DRC8: variants seen among roughly 807,000 people sequenced by gnomAD.
The protein encoded by DRC8 is dynein regulatory complex protein 8.
the DRC8 span, among the ~76,000 whole-genome samples, chr1:245,103,099 T>A: frequency 7.2e-6 from 1 of 139,328 alleles, no homozygotes; most frequent in Non-Finnish European, 1.5e-5. Flanking sequence ...TCCTCTATGG[T>A]CAGGAGGGAG....
chr1:245,029,256 A>G, the DRC8 span, among the ~76,000 whole-genome samples: 2 of 152,206 alleles, frequency 1.3e-5, 1 homozygote, highest in Non-Finnish European at 2.9e-5. Flanking sequence ...CCATTTCTGT[A>G]TCTTTGGAGG....
At chr1:245,004,115 G>C in the DRC8 span, among the ~76,000 whole-genome samples, 1 of 152,014 alleles carries the variant, frequency 6.6e-6, no homozygotes, top group African/African-American at 2.4e-5. Context: ...GGGTCTTACT[G>C]TGTGGCCCTG....
chr1:245,072,830 C>G, the DRC8 span, among the ~76,000 whole-genome samples: 1 of 152,082 alleles, frequency 6.6e-6, no homozygotes, highest in Non-Finnish European at 1.5e-5. Context: ...TCATTTAAAA[C>G]TGCGTGGCTC....
At chr1:245,116,961 T>C in the DRC8 span, among the ~76,000 whole-genome samples, 1 of 152,244 alleles carries the variant, frequency 6.6e-6, no homozygotes, top group Non-Finnish European at 1.5e-5. Flanking sequence ...CAAAGAAAAT[T>C]GTTTTTCTTC....
At chr1:245,102,632 C>G in the DRC8 span, among the ~76,000 whole-genome samples, 2 of 151,868 alleles carry the variant, frequency 1.3e-5, no homozygotes, top group South Asian at 2.1e-4. Flanking sequence ...TTACAGGCGT[C>G]AGCCACTGCA....
chr1:244,973,536 A>G, the DRC8 span, among the ~76,000 whole-genome samples: 144 of 152,328 alleles, frequency 9.5e-4, no homozygotes, highest in South Asian at 0.012. Context: ...AACTTATTCT[A>G]TACCTAAAAG....
the DRC8 span, among the ~76,000 whole-genome samples, chr1:245,045,923 C>A: frequency 6.6e-6 from 1 of 152,128 alleles, no homozygotes; most frequent in Non-Finnish European, 1.5e-5. Context: ...AAGGGAGTAG[C>A]CTCTGGTCCT....
chr1:245,053,211 GA>G, the DRC8 span, among the ~76,000 whole-genome samples: 99 of 150,892 alleles, frequency 6.6e-4, no homozygotes, highest in African/African-American at 1.8e-3. Flanking sequence ...AAGTTGATGA[GA>G]AAAAAAAATG....
chr1:245,098,873 G>A, the DRC8 span, among the ~76,000 whole-genome samples: 186 of 152,346 alleles, frequency 1.2e-3, 1 homozygote, highest in African/African-American at 4.1e-3. Flanking sequence ...AGCCCGTGTG[G>A]CGGCTGTCGA....
the DRC8 span, among the ~76,000 whole-genome samples, chr1:244,985,163 A>G: frequency 1.3e-5 from 2 of 148,862 alleles, no homozygotes; most frequent in African/African-American, 5.0e-5. Context: ...CATCATAGAG[A>G]GCAATTTCTT....
chr1:245,028,430 C>T, the DRC8 span, among the ~76,000 whole-genome samples: 6 of 152,228 alleles, frequency 3.9e-5, no homozygotes, highest in African/African-American at 1.4e-4. Flanking sequence ...TCCTGCACTG[C>T]CAAAAAATAA....
the DRC8 span, among the ~76,000 whole-genome samples, chr1:244,982,401 A>C: frequency 6.6e-6 from 1 of 152,252 alleles, no homozygotes; most frequent in Non-Finnish European, 1.5e-5. Flanking sequence ...TTGGTGACGC[A>C]TGCCTGTAAT....
chr1:245,071,663 A>G, the DRC8 span, among the ~76,000 whole-genome samples: 1 of 152,212 alleles, frequency 6.6e-6, no homozygotes, highest in Non-Finnish European at 1.5e-5. Flanking sequence ...ACGGCATTTT[A>G]GCAATACTTA....
the DRC8 span, among the ~76,000 whole-genome samples, chr1:244,988,389 A>G: frequency 2.0e-5 from 3 of 152,306 alleles, no homozygotes; most frequent in South Asian, 6.2e-4. Flanking sequence ...TATTTATTTT[A>G]TAATAAGCAA....
chr1:244,970,537 T>C, the DRC8 span: 3 of 1,453,758 alleles, frequency 2.1e-6, no homozygotes, highest in Non-Finnish European at 2.7e-6. Context: ...CCCTCGTCCA[T>C]CTGGAGTTCC....
At chr1:245,119,694 G>A in the DRC8 span, among the ~76,000 whole-genome samples, 1,875 of 151,740 alleles carry the variant, frequency 0.012, 45 homozygotes, top group African/African-American at 0.043. Flanking sequence ...AACACTTTGG[G>A]AGGCCGAGGC....
the DRC8 span, among the ~76,000 whole-genome samples, chr1:245,098,587 G>A: frequency 6.6e-6 from 1 of 152,182 alleles, no homozygotes; most frequent in Non-Finnish European, 1.5e-5. Context: ...AGTCCCTGAG[G>A]CAAGCTGGAC....
the DRC8 span, among the ~76,000 whole-genome samples, chr1:245,016,051 G>A: frequency 2.9e-5 from 4 of 136,234 alleles, no homozygotes; most frequent in African/African-American, 1.1e-4. Context: ...GCGCAATCTC[G>A]GCTCACTGCA....
the DRC8 span, among the ~76,000 whole-genome samples, chr1:245,093,528 G>A: frequency 2.3e-4 from 35 of 151,814 alleles, no homozygotes; most frequent in Middle Eastern, 3.4e-3. Context: ...GTGAAACCCC[G>A]TCTCCACAAA....
Sources: gnomAD v4.1 joint callset for allele counts (sites outside exome capture counted in the v4.1 genomes callset) on GRCh38, gnomAD v4.1.1 for gene constraint, MANE v1.5 for transcripts, NCBI Gene and HGNC (gene_info 2026-07-23, HGNC 2026-07-21) for gene names.